KMT2C: variants seen among roughly 807,000 people sequenced by gnomAD.
The protein encoded by KMT2C is lysine methyltransferase 2C, also known as histone-lysine N-methyltransferase 2C.
In KMT2C, 88 loss-of-function variants were observed where a neutral mutation model predicts 507.9. That is an observed-to-expected ratio of 0.17 (90% CI 0.15 to 0.21). The LOEUF (loss-of-function observed/expected upper bound fraction) is 0.21. Ranked by LOEUF, KMT2C falls within the 10% of genes least tolerant of loss-of-function variation. KMT2C has a pLI of 1.00. For missense variants in KMT2C, 4,954 were observed against 5,957.8 expected (o/e 0.83, Z 5.55); for synonymous variants, 2,049 against 2,080.8 (o/e 0.98, Z 0.42).
At chr7:152,234,938 G>A (rs2095234403) in intron 16 of KMT2C, among the ~76,000 whole-genome samples, 1 of 152,028 alleles carries the variant, frequency 6.6e-6, no homozygotes, top group Non-Finnish European at 1.5e-5. Flanking sequence ...TGCATCCACA[G>A]TTTTATTAAT....
intron 1 of KMT2C, among the ~76,000 whole-genome samples, chr7:152,421,332 T>C (rs2097776145): frequency 6.6e-6 from 1 of 152,206 alleles, no homozygotes; most frequent in Non-Finnish European, 1.5e-5. Context: ...TCAAAAGCAC[T>C]TTGGGGATTT....
At chr7:152,296,811 T>A (rs900481847) in intron 6 of KMT2C, among the ~76,000 whole-genome samples, 5 of 151,664 alleles carry the variant, frequency 3.3e-5, no homozygotes, top group Middle Eastern at 6.3e-3. Context: ...GAGACCGGAT[T>A]ATCGGATTTA....
rs2129124584 is a variant in KMT2C, at chr7:152,187,319, C to T, written c.4951G>A (p.Val1651Ile). Residue 1651 changes from valine (V) to isoleucine (I), a missense_variant, in exon 33 of 59, where the codon GTT (valine) becomes ATT (isoleucine). Around this residue, in one of 29 missense-constraint regions of KMT2C, gnomAD observed 24 missense variants for 52.9 expected, o/e 0.45. Coordinates refer to ENST00000262189, the MANE Select transcript of KMT2C (RefSeq NM_170606.3). ...KEEALGEMAT[V>I]APVLYTNINF... is the part of the protein sequence containing the mutation. ...ATATTGGTGTAGAGAACTGGGGCAA[C>T]AGTTGCCATTTCACCCAGAGCCTCC... 6.2e-7 allele frequency: 1 copy of T among 1,614,080 alleles called. No homozygotes were observed.
At chr7:152,372,106 T>A (rs2097297520) in intron 1 of KMT2C, among the ~76,000 whole-genome samples, 2 of 152,266 alleles carry the variant, frequency 1.3e-5, no homozygotes, top group African/African-American at 4.8e-5. Flanking sequence ...TACCTATCAA[T>A]AATTATTTTA....
At chr7:152,344,583 G>A (rs1335466327) in intron 2 of KMT2C, among the ~76,000 whole-genome samples, 1 of 151,926 alleles carries the variant, frequency 6.6e-6, no homozygotes. Flanking sequence ...GTAGACTTGG[G>A]TTTGTTGTAA....
chr7:152,157,850 G>T, intron 44 of KMT2C: 1 of 1,337,340 alleles, frequency 7.5e-7, no homozygotes, highest in Non-Finnish European at 9.9e-7. Flanking sequence ...CTATTAAATT[G>T]GCCACTGCCA....
At chr7:152,194,667 T>A in intron 28 of KMT2C, 99 bp from the exon 29 acceptor site, 1 of 795,840 alleles carries the variant, frequency 1.3e-6, no homozygotes, top group Non-Finnish European at 1.9e-6. Flanking sequence ...ACAATATGAT[T>A]AAAATAGAGA....
At chr7:152,349,288 A>G (rs1484981462) in intron 2 of KMT2C, among the ~76,000 whole-genome samples, 1 of 152,088 alleles carries the variant, frequency 6.6e-6, no homozygotes, top group East Asian at 1.9e-4. Context: ...TCTACTAAAA[A>G]TACAAAATAG....
intron 1 of KMT2C, among the ~76,000 whole-genome samples, chr7:152,383,856 CTCA>C (rs2097396660): frequency 6.6e-6 from 1 of 152,098 alleles, no homozygotes; most frequent in Non-Finnish European, 1.5e-5. Flanking sequence ...GTTGTCCACA[CTCA>C]TCATCGTCAT....
chr7:152,331,754 T>C (rs2129212807), intron 2 of KMT2C, among the ~76,000 whole-genome samples: 1 of 147,810 alleles, frequency 6.8e-6, no homozygotes, highest in East Asian at 2.0e-4. Context: ...GTTCAAGCAA[T>C]TCTCCTGCCT....
At chr7:152,307,947 GT>G (rs2096635804) in intron 6 of KMT2C, among the ~76,000 whole-genome samples, 1 of 152,070 alleles carries the variant, frequency 6.6e-6, no homozygotes, top group Non-Finnish European at 1.5e-5. Context: ...ACTTTTCACT[GT>G]CACAAAATAG....
intron 6 of KMT2C, among the ~76,000 whole-genome samples, chr7:152,297,867 A>C (rs1589011362): frequency 6.6e-6 from 1 of 152,348 alleles, no homozygotes; most frequent in South Asian, 2.1e-4. Context: ...CCCAGAACTT[A>C]AATAGATGTT....
chr7:152,414,028 G>A (rs2097708779), intron 1 of KMT2C, among the ~76,000 whole-genome samples: 1 of 151,652 alleles, frequency 6.6e-6, no homozygotes, highest in Non-Finnish European at 1.5e-5. Flanking sequence ...TGACCAACAT[G>A]GTGAAACCCT....
At chr7:152,418,668 G>T (rs1483799756) in intron 1 of KMT2C, among the ~76,000 whole-genome samples, 3 of 152,026 alleles carry the variant, frequency 2.0e-5, no homozygotes, top group Non-Finnish European at 4.4e-5. Context: ...CTGACCTTGT[G>T]ATATGCCTGC....
At chr7:152,325,195 A>G (rs2096815738) in intron 3 of KMT2C, among the ~76,000 whole-genome samples, 1 of 151,868 alleles carries the variant, frequency 6.6e-6, no homozygotes, top group South Asian at 2.1e-4. Context: ...CTTGTCGCCC[A>G]GGCTGGAGTG....
At chr7:152,282,962 A>G (rs796113903) in intron 6 of KMT2C, among the ~76,000 whole-genome samples, 9 of 152,110 alleles carry the variant, frequency 5.9e-5, no homozygotes, top group African/African-American at 1.7e-4. Flanking sequence ...ATGAAATTCT[A>G]TATCAAGGTT....
chr7:152,140,844 T>C (rs2090453839), intron 55 of KMT2C, among the ~76,000 whole-genome samples: 1 of 152,224 alleles, frequency 6.6e-6, no homozygotes, highest in Non-Finnish European at 1.5e-5. Context: ...TCTGTTCTAC[T>C]CCAGATACAA....
chr7:152,197,163 G>T (rs1399645191), intron 27 of KMT2C, among the ~76,000 whole-genome samples: 1 of 152,130 alleles, frequency 6.6e-6, no homozygotes, highest in Non-Finnish European at 1.5e-5. Context: ...ACAGCACCAG[G>T]GTTCTAAGGA....
At chr7:152,320,006 C>T (rs767645982) in intron 3 of KMT2C, among the ~76,000 whole-genome samples, 12 of 152,042 alleles carry the variant, frequency 7.9e-5, no homozygotes, top group South Asian at 2.1e-4. Context: ...TACCGGTCTC[C>T]GCGTCTTGGT....
Sources: allele counts gnomAD v4.1 joint callset (sites outside exome capture counted in the v4.1 genomes callset), GRCh38; gene constraint gnomAD v4.1.1; regional missense constraint gnomAD v4.1.1; transcripts MANE v1.5; gene names NCBI Gene and HGNC (gene_info 2026-07-23, HGNC 2026-07-21).